ROBO2: variants seen among roughly 807,000 people sequenced by gnomAD.
ROBO2 encodes the protein roundabout guidance receptor 2, also known as roundabout homolog 2.
Under a neutral mutation model 160.8 loss-of-function variants are expected in ROBO2, and 53 were observed. The observed-to-expected ratio is 0.33, with a 90% CI of 0.26 to 0.41. ROBO2 has a LOEUF of 0.41. ROBO2 is among the 10% of genes least tolerant of loss of function. The pLI is 1.00. For missense variants in ROBO2, 1,577 were observed against 1,722.4 expected (o/e 0.92, Z 1.49); for synonymous variants, 664 against 611.7 (o/e 1.09, Z -1.26).
At chr3:77,491,960 A>G (rs1441484423) in intron 4 of ROBO2, among the ~76,000 whole-genome samples, 1 of 152,134 alleles carries the variant, frequency 6.6e-6, no homozygotes, top group Non-Finnish European at 1.5e-5. Context: ...ATGGATCTTG[A>G]TTTAGTCAAT....
Position 76,192,260 on chromosome 3 carries a change from T to C in ROBO2, c.109+254658T>C, listed in dbSNP as rs887877167. On this transcript the variant is annotated intron_variant, in intron 2 of 26. Transcript: ENST00000487694. ...CAAATCCTGCCATTTCCCTAGTTAGTGCCCTTAGTAACCTGACCTTCGATT... is the reference window on the plus strand; with the variant it reads ...CAAATCCTGCCATTTCCCTAGTTAGCGCCCTTAGTAACCTGACCTTCGATT... 2.6e-5 allele frequency among the ~76,000 whole-genome samples: 4 copies of C among 151,864 alleles called. No individual in the cohort carries two copies. In the East Asian group the frequency reaches 7.8e-4, roughly 30 times the overall value.
intron 2 of ROBO2, among the ~76,000 whole-genome samples, chr3:76,170,750 C>T (rs903827959): frequency 1.3e-5 from 2 of 151,994 alleles, no homozygotes; most frequent in African/African-American, 4.8e-5. Flanking sequence ...GGTTAGATAC[C>T]AGAATAATCA....
At chr3:77,140,042 A>G (rs2076582207) in intron 2 of ROBO2, among the ~76,000 whole-genome samples, 1 of 152,242 alleles carries the variant, frequency 6.6e-6, no homozygotes, top group African/African-American at 2.4e-5. Context: ...TGACTTTGTC[A>G]ACTGCAGACA....
chr3:77,303,601 T>C lies in ROBO2; in HGVS notation c.389-173813T>C, dbSNP rs537477600. Among the ~76,000 whole-genome samples, 4 of 152,256 alleles carry C rather than the reference T, an allele frequency of 2.6e-5. No homozygotes were observed. The South Asian group carries it at 8.3e-4, about 32-fold the overall frequency. ...GAGAATAAAGACAAGGCAATTAAAA[T>C]ATAGGGGTATCTTATAACTGAGTTT... On this transcript the variant is annotated intron_variant, in intron 2 of 25. Transcript: ENST00000461745.
At chr3:76,599,063 C>G (rs2086924100) in intron 2 of ROBO2, among the ~76,000 whole-genome samples, 1 of 152,012 alleles carries the variant, frequency 6.6e-6, no homozygotes, top group Non-Finnish European at 1.5e-5. Context: ...TACATTAAAA[C>G]AAAAATTTAA....
rs1053725589 is a variant in ROBO2, at chr3:76,881,245, C to T, written c.110-216769C>T. ...AAGAGCTAATCCTTAAAACTGAAGA[C>T]ACTAATCTCTGACACATCTAATGAT... On this transcript the variant is annotated intron_variant, in intron 2 of 26. Coordinates refer to the ROBO2 transcript ENST00000487694. Among the ~76,000 whole-genome samples, 7 of 152,244 alleles carry T rather than the reference C, an allele frequency of 4.6e-5. No homozygotes were observed. The South Asian group carries it at 1.5e-3, about 32-fold the overall frequency.
chr3:77,563,143 GT>G (rs758687187), intron 10 of ROBO2, 23 bp from the exon 12 acceptor site: 2 of 1,611,982 alleles, frequency 1.2e-6, no homozygotes, highest in Non-Finnish European at 1.7e-6. Context: ...CAGGAATGAA[GT>G]TTTTTCTGTC....
intron 2 of ROBO2, among the ~76,000 whole-genome samples, chr3:77,216,938 A>G (rs940852097): frequency 3.3e-5 from 5 of 152,286 alleles, no homozygotes; most frequent in East Asian, 1.9e-4. Context: ...GCATAAAGCC[A>G]CTTTTATTCT....
At chr3:75,970,356 T>A (rs2064958562) in intron 2 of ROBO2, among the ~76,000 whole-genome samples, 1 of 151,630 alleles carries the variant, frequency 6.6e-6, no homozygotes, top group East Asian at 2.0e-4. Context: ...GGGTAATTCT[T>A]GACAATAAAA....
intron 24 of ROBO2, among the ~76,000 whole-genome samples, chr3:77,636,626 G>C (rs192837119): frequency 9.6e-4 from 146 of 152,002 alleles, no homozygotes; most frequent in Non-Finnish European, 1.5e-3. Flanking sequence ...GAAAATAAAA[G>C]TAGAATGATG....
chr3:77,407,690 C>G (rs748763023), intron 2 of ROBO2, among the ~76,000 whole-genome samples: 6 of 152,180 alleles, frequency 3.9e-5, no homozygotes, highest in Admixed American at 6.5e-5. Flanking sequence ...CTTGTTGCCT[C>G]CCAGGCTATT....
chr3:76,267,162 T>C (rs1707147692), intron 2 of ROBO2, among the ~76,000 whole-genome samples: 1 of 152,194 alleles, frequency 6.6e-6, no homozygotes. Context: ...CAGCATCCTA[T>C]ACGTATCTCA....
rs1474198374 is a variant in ROBO2, at chr3:76,170,571, A to C, written c.109+232969A>C. Among the ~76,000 whole-genome samples, 5 of 152,138 alleles carry C rather than the reference A, an allele frequency of 3.3e-5. No homozygotes were observed. The East Asian group carries it at 7.7e-4, about 23-fold the overall frequency. ...AAATATAGGCAAAATGCGTAGCAGC[A>C]CCTGTTTAGGCTCTCAAGCCAGCTT... On this transcript the variant is annotated intron_variant, in intron 2 of 26. Coordinates refer to the ROBO2 transcript ENST00000487694.
chr3:76,314,936 T>C (rs184005868), intron 2 of ROBO2, among the ~76,000 whole-genome samples: 3 of 152,268 alleles, frequency 2.0e-5, no homozygotes, highest in Admixed American at 6.5e-5. Flanking sequence ...TTGGAAATTA[T>C]AATTTAAGCC....
intron 2 of ROBO2, among the ~76,000 whole-genome samples, chr3:77,126,938 G>A (rs898441689): frequency 2.9e-4 from 44 of 151,462 alleles, no homozygotes; most frequent in African/African-American, 2.2e-4. Flanking sequence ...GCAGGTGCCC[G>A]CCACCACGCC....
At chr3:76,028,959 G>T (rs1369902413) in intron 2 of ROBO2, among the ~76,000 whole-genome samples, 1 of 151,982 alleles carries the variant, frequency 6.6e-6, no homozygotes, top group African/African-American at 2.4e-5. Context: ...TGGCAGTGAT[G>T]CTATGAGCAT....
At chr3:76,742,521 T>G (rs2093819122) in intron 2 of ROBO2, among the ~76,000 whole-genome samples, 2 of 152,098 alleles carry the variant, frequency 1.3e-5, no homozygotes, top group Admixed American at 1.3e-4. Context: ...ATTTAATTCA[T>G]AAAAGAGGTA....
chr3:76,767,115 T>C (rs197867), intron 2 of ROBO2, among the ~76,000 whole-genome samples: 127,990 of 151,352 alleles, frequency 0.85, 54,230 homozygotes, highest in African/African-American at 0.87. Context: ...AAAATAGTTG[T>C]ATCACTAGAT....
chr3:76,522,772 T>G (rs888708978), intron 2 of ROBO2, among the ~76,000 whole-genome samples: 2 of 151,976 alleles, frequency 1.3e-5, no homozygotes, highest in African/African-American at 4.8e-5. Context: ...AAGAATTGAT[T>G]ATCAATTGTT....
Sources: allele counts gnomAD v4.1 joint callset (sites outside exome capture counted in the v4.1 genomes callset), GRCh38; gene constraint gnomAD v4.1.1; transcripts MANE v1.5; gene names NCBI Gene and HGNC (gene_info 2026-07-23, HGNC 2026-07-21).